CCDC171: variants seen among roughly 807,000 people sequenced by gnomAD.
CCDC171 encodes the protein coiled-coil domain containing 171, also known as coiled-coil domain-containing protein 171.
Under a neutral mutation model 168.2 loss-of-function variants are expected in CCDC171, and 177 were observed. The ratio of observed to expected loss-of-function variants is 1.05; its 90% CI spans 0.93 to 1.19. The LOEUF (loss-of-function observed/expected upper bound fraction) is 1.19. Among genes scored for constraint, CCDC171 ranks in the 50% most tolerant of loss-of-function variants. CCDC171 has a pLI of 0.00. For synonymous variants in CCDC171, 687 were observed against 540.8 expected (o/e 1.27, Z -3.75); for missense variants, 1,991 against 1,539.0 (o/e 1.29, Z -4.91).
the CCDC171 span, among the ~76,000 whole-genome samples, chr9:16,076,758 C>G: frequency 6.6e-6 from 1 of 152,202 alleles, no homozygotes; most frequent in Admixed American, 6.5e-5. Context: ...GAAACCCTGA[C>G]AAGTCCACTC....
chr9:15,808,900 G>A (rs557841460), intron 21 of CCDC171, among the ~76,000 whole-genome samples: 2 of 152,278 alleles, frequency 1.3e-5, no homozygotes, highest in African/African-American at 4.8e-5. Context: ...CTAACATCAA[G>A]GCACTAGTAG....
chr9:16,102,609 C>G, the CCDC171 span, among the ~76,000 whole-genome samples: 3 of 152,074 alleles, frequency 2.0e-5, no homozygotes, highest in Non-Finnish European at 4.4e-5. Context: ...GTAAATAAGC[C>G]CTCATAGTCT....
intron 23 of CCDC171, among the ~76,000 whole-genome samples, chr9:15,855,777 A>T (rs1249672111): frequency 1.3e-5 from 2 of 151,922 alleles, no homozygotes; most frequent in Non-Finnish European, 2.9e-5. Flanking sequence ...TGTTTGAATT[A>T]ATGCCAACGT....
chr9:15,563,661 C>T (rs1475327048), intron 1 of CCDC171, among the ~76,000 whole-genome samples: 1 of 152,204 alleles, frequency 6.6e-6, no homozygotes, highest in East Asian at 1.9e-4. Flanking sequence ...CCCATTCCCA[C>T]ATCATCTTGG....
chr9:15,590,972 C>T (rs940206090), intron 4 of CCDC171, among the ~76,000 whole-genome samples: 5 of 151,920 alleles, frequency 3.3e-5, no homozygotes, highest in African/African-American at 1.2e-4. Context: ...GCCTCAGCCT[C>T]CAGAGTAGCT....
intron 24 of CCDC171, among the ~76,000 whole-genome samples, chr9:15,904,268 G>A (rs1822166369): frequency 1.3e-5 from 2 of 152,144 alleles, no homozygotes; most frequent in African/African-American, 4.8e-5. Flanking sequence ...GTTAAGGGCA[G>A]CCAGAGAGAA....
chr9:15,598,676 A>G (rs970675341), intron 6 of CCDC171, among the ~76,000 whole-genome samples: 1 of 152,158 alleles, frequency 6.6e-6, no homozygotes, highest in Non-Finnish European at 1.5e-5. Flanking sequence ...CACTTGGTGC[A>G]GAGCTGAGTT....
intron 3 of CCDC171, among the ~76,000 whole-genome samples, chr9:16,008,212 T>C (rs1179000455): frequency 2.0e-5 from 3 of 152,218 alleles, no homozygotes; most frequent in Non-Finnish European, 4.4e-5. Context: ...GTTTCAGCTC[T>C]TACATTTAGG....
intron 4 of CCDC171, among the ~76,000 whole-genome samples, chr9:15,585,907 CAG>C (rs2131359077): frequency 6.6e-6 from 1 of 152,182 alleles, no homozygotes; most frequent in Non-Finnish European, 1.5e-5. Flanking sequence ...ACCAAGGAGA[CAG>C]AAGTTGCAGT....
At chr9:15,741,422 G>A (rs998795772) in intron 16 of CCDC171, among the ~76,000 whole-genome samples, 9 of 152,002 alleles carry the variant, frequency 5.9e-5, no homozygotes, top group African/African-American at 9.7e-5. Flanking sequence ...TTCTCTTAGC[G>A]TAATTTTTCA....
Position 15,571,752 on chromosome 9 carries a change from A to T in CCDC171, c.170A>T (p.Asn57Ile). The change falls in exon 3 of 26, where the codon AAT (asparagine) becomes ATT (isoleucine). Residue 57 changes from asparagine (N) to isoleucine (I), a missense_variant. Physicochemically the swap from Asn to Ile is moderately radical, Grantham distance 149. Transcript: ENST00000380701. ...AAGTTAGAAATAACAACCAAACACA[A>T]TGCAGAGGTACGATTTATTTTCCTC... ...KEKLEITTKH[N>I]AELASYESQI... The T allele has an allele frequency of 6.4e-7, 1 of 1,574,752 alleles. No homozygotes were observed. The highest frequency in any genetic ancestry group is 1.4e-5 in the African/African-American group (1 of 72,356).
intron 4 of CCDC171, among the ~76,000 whole-genome samples, chr9:15,587,984 C>T (rs912215725): frequency 2.6e-5 from 4 of 152,142 alleles, no homozygotes; most frequent in Admixed American, 6.6e-5. Context: ...CGCCTGTAAT[C>T]GCAGCACTTT....
At chr9:16,107,367 C>T in the CCDC171 span, among the ~76,000 whole-genome samples, 586 of 152,212 alleles carry the variant, frequency 3.8e-3, 2 homozygotes, top group African/African-American at 0.014. Flanking sequence ...ATGGACTTTA[C>T]GTATATCTGA....
intron 2 of CCDC171, among the ~76,000 whole-genome samples, chr9:15,571,149 T>C (rs1241690082): frequency 6.6e-6 from 1 of 152,234 alleles, no homozygotes; most frequent in Non-Finnish European, 1.5e-5. Flanking sequence ...TTTTGTGTTC[T>C]CTCTCTTGTG....
intron 23 of CCDC171, among the ~76,000 whole-genome samples, chr9:15,869,615 C>T (rs954069917): frequency 6.6e-6 from 1 of 151,320 alleles, no homozygotes; most frequent in Admixed American, 6.6e-5. Context: ...AAAGACTCTC[C>T]AGTATGCCTT....
chr9:15,976,118 G>T (rs1831612547), downstream of CCDC171, among the ~76,000 whole-genome samples: 2 of 152,152 alleles, frequency 1.3e-5, no homozygotes, highest in South Asian at 4.1e-4. Context: ...TCCTCTCAGA[G>T]CCTCCAGGAT....
At chr9:15,887,111 T>G (rs1337869006) in intron 24 of CCDC171, among the ~76,000 whole-genome samples, 1 of 152,138 alleles carries the variant, frequency 6.6e-6, no homozygotes, top group Non-Finnish European at 1.5e-5. Context: ...ATCTTCAGTA[T>G]TCTCACCACA....
At chr9:15,840,274 A>G (rs187602363) in intron 21 of CCDC171, among the ~76,000 whole-genome samples, 4 of 152,260 alleles carry the variant, frequency 2.6e-5, no homozygotes, top group Admixed American at 2.6e-4. Flanking sequence ...AATTCTTTTC[A>G]GACATTTGTT....
At chr9:15,628,518 C>T (rs1476756146) in intron 7 of CCDC171, among the ~76,000 whole-genome samples, 2 of 152,206 alleles carry the variant, frequency 1.3e-5, no homozygotes, top group African/African-American at 2.4e-5. Context: ...GTAAACAAAG[C>T]AGCTGGGAAG....
Sources: gnomAD v4.1 joint callset for allele counts (sites outside exome capture counted in the v4.1 genomes callset) on GRCh38, gnomAD v4.1.1 for gene constraint, MANE v1.5 for transcripts, NCBI Gene and HGNC (gene_info 2026-07-23, HGNC 2026-07-21) for gene names.